PALM3: variants seen among roughly 807,000 people sequenced by gnomAD.
The protein encoded by PALM3 is paralemmin-3.
PALM3 carries 20 observed loss-of-function variants against 27.9 expected under a neutral mutation model. The ratio of observed to expected loss-of-function variants is 0.72; its 90% confidence interval spans 0.50 to 1.04. The LOEUF is 1.04. PALM3 is among the 50% of genes least tolerant of loss of function. PALM3 has a pLI of 0.00. For missense variants in PALM3, 814 were observed against 869.4 expected (o/e 0.94, Z 0.80); for synonymous variants, 328 against 352.7 (o/e 0.93, Z 0.79).
In PALM3 at chr19:14,054,341, TCTC is replaced by T. The variant is rs1440192310; in HGVS notation, c.1328_1330del (p.Gly443del). 1.3e-5 allele frequency: 20 copies of T among 1,552,062 alleles called. No individual in the cohort carries two copies. The East Asian group carries it at 2.4e-4, about 19-fold the overall frequency. On this transcript the variant is annotated inframe_deletion, in exon 7 of 7. Transcript: ENST00000669674. ...TCTGCTCTCCAGCTCCAACTTCTTC[TCTC>T]CTCCTTTCCTCTCTACCACTGGTGA... is the stretch of plus-strand genomic sequence containing the variant.
At chr19:14,056,577 C>T (rs751297720) in intron 4 of PALM3, 64 bp from the exon 5 acceptor site, 41 of 1,549,496 alleles carry the variant, frequency 2.6e-5, no homozygotes, top group Non-Finnish European at 3.1e-5. Context: ...TAGACTCAAG[C>T]GACCACCTCC....
rs998902486 is a variant in PALM3, at chr19:14,056,447, C to G, written c.381G>C (p.Arg127Ser). The G allele has an allele frequency of 6.4e-7, 1 of 1,551,532 alleles. No individual in the cohort carries two copies. The highest frequency in any genetic ancestry group is 8.7e-7 in the Non-Finnish European group (1 of 1,146,892). The change falls in exon 5 of 7, where the codon AGG becomes AGC. Residue 127 changes from arginine to serine, a missense_variant. Arg to Ser is a moderately radical substitution (Grantham distance 110). Coordinates refer to ENST00000669674, the MANE Select transcript of PALM3 (RefSeq NM_001145028.2). ...CCCTCACCTGTCTGCGCCAGCTGGG[C>G]CTGCCTGAGGGCTTGTGCTGGGCAC... The part of the protein sequence containing the change: ...STGAQHKPSG[R>S]PSWRRQGHRP...
chr19:14,057,322 C>T, intron 3 of PALM3, 29 bp downstream of exon 3: 1 of 1,515,810 alleles, frequency 6.6e-7, no homozygotes, highest in South Asian at 1.2e-5. Context: ...ATTCCCCAGG[C>T]TAGGCAGGCG....
rs1187807423 is a variant in PALM3 at position 14,055,440 on chromosome 19, G to C, written c.400-15C>G. 2 of 1,551,332 alleles carry C rather than the reference G, an allele frequency of 1.3e-6. No homozygotes were observed. Among genetic ancestry groups the C allele is most frequent in the Non-Finnish European group, 1.7e-6 (2 of 1,146,842 alleles). ...GGACGGTGACCCTGCAGAGATGGCG[G>C]AGACAAGGTCAGGCTGGCCCTCATC... On this transcript the variant is annotated splice_polypyrimidine_tract_variant and intron_variant, in intron 5 of 6. Coordinates refer to ENST00000669674, the MANE Select transcript of PALM3 (RefSeq NM_001145028.2).
chr19:14,061,333 C>T (rs942892554), intron 1 of PALM3, among the ~76,000 whole-genome samples: 1 of 152,172 alleles, frequency 6.6e-6, no homozygotes, highest in Admixed American at 6.5e-5. Flanking sequence ...TCTTTCCAAA[C>T]CTCTGAAGCC....
chr19:14,058,928 G>T (rs1019745609), intron 2 of PALM3, among the ~76,000 whole-genome samples, 187 bp downstream of exon 2: 2 of 151,972 alleles, frequency 1.3e-5, no homozygotes, highest in African/African-American at 4.8e-5. Context: ...GGGGGCCACA[G>T]CTCCCCATTC....
intron 2 of PALM3, among the ~76,000 whole-genome samples, chr19:14,058,702 G>A (rs1195856451): frequency 6.6e-6 from 1 of 151,936 alleles, no homozygotes; most frequent in African/African-American, 2.4e-5. Flanking sequence ...TAGGATCAGA[G>A]TGGTAGAGAC....
intron 2 of PALM3, among the ~76,000 whole-genome samples, chr19:14,058,660 G>A (rs997603940): frequency 4.6e-5 from 7 of 151,946 alleles, no homozygotes; most frequent in African/African-American, 1.7e-4. Flanking sequence ...GGGGTTCAGG[G>A]AGATGGAGGA....
Position 14,056,847 on chromosome 19 carries a change from C to T in PALM3, c.172-43G>A, listed in dbSNP as rs538396990. On this transcript the variant is annotated intron_variant, in intron 3 of 6. Transcript: ENST00000669674. ...GTTGGGGCTGGGCATACAGACTACC[C>T]CGGTCCATGTAAAGTCCCCTCCCGA... 625 of 1,500,682 alleles carry T rather than the reference C, an allele frequency of 4.2e-4. 2 individuals carry two copies. In the Middle Eastern group the frequency reaches 7.5e-3, roughly 18 times the overall value. The allele number at this position is 1,500,682 out of a possible 1,614,324, so 93.0% of individuals were successfully genotyped here.
intron 1 of PALM3, among the ~76,000 whole-genome samples, chr19:14,061,284 T>TG (rs1189177107): frequency 1.3e-5 from 2 of 152,152 alleles, no homozygotes; most frequent in Admixed American, 1.3e-4. Flanking sequence ...GGAACCGAAT[T>TG]GGGGTCCCTA....
In PALM3 at chr19:14,062,019, GACCCACC is replaced by G. The variant is rs1011763419; in HGVS notation, c.-46_-40del. ...TTCACTTTCTGGTCTCCGAGTTCTG[GACCCACC>G]ACCCGCTTGCCTGAAGGTGCCCCGG... is the stretch of plus-strand genomic sequence containing the variant. On this transcript the variant is annotated 5_prime_UTR_variant, in exon 1 of 7. Coordinates refer to ENST00000669674, the MANE Select transcript of PALM3 (RefSeq NM_001145028.2). 1.4e-4 allele frequency: 133 copies of G among 984,594 alleles called. No homozygotes were observed. Among genetic ancestry groups the G allele is most frequent in the Non-Finnish European group, 1.5e-4 (126 of 829,358 alleles). The allele number at this position is 984,594 out of a possible 1,614,324, so 61.0% of individuals were successfully genotyped here. A position where few individuals can be genotyped will look rare whatever the true frequency, so the allele number is the denominator to read the frequency against.
chr19:14,055,290 G>C, intron 6 of PALM3, 64 bp from the exon 7 acceptor site: 2 of 1,529,394 alleles, frequency 1.3e-6, no homozygotes, highest in Non-Finnish European at 1.8e-6. Context: ...TGGAACAAAA[G>C]GACTGCCATC....
chr19:14,056,724 G>T lies in PALM3; in HGVS notation c.252C>A (p.Asp84Glu). ...GAGCCTGGCCCTCGGGTGACTGGGG[G>T]TCCTTCGAGGTGGGGTCTTCGGATG... ...PEPSEDPTSK[D>E]PQSPEGQAQA... is the part of the protein sequence containing the mutation. Residue 84 changes from aspartate (D) to glutamate (E), a missense_variant, in exon 4 of 7, where the codon GAC becomes GAA. Asp to Glu is a conservative substitution (Grantham distance 45). Coordinates refer to ENST00000669674, the MANE Select transcript of PALM3 (RefSeq NM_001145028.2). The T allele has an allele frequency of 1.3e-6, 2 of 1,551,746 alleles. No individual in the cohort carries two copies. Among genetic ancestry groups the T allele is most frequent in the Non-Finnish European group, 1.7e-6 (2 of 1,146,984 alleles).
intron 2 of PALM3, chr19:14,057,671 G>T (rs1290482483): frequency 1.3e-4 from 20 of 158,418 alleles, no homozygotes; most frequent in Admixed American, 8.8e-4. Context: ...GGCCGGCCGC[G>T]CCCGGGATGC....
intron 1 of PALM3, among the ~76,000 whole-genome samples, chr19:14,059,487 C>A (rs1487631159): frequency 6.6e-6 from 1 of 152,112 alleles, no homozygotes; most frequent in East Asian, 1.9e-4. Context: ...AGGAGCTATT[C>A]ATGCAGGGAA....
rs1429177933 is a variant in PALM3, at chr19:14,054,735, C to A, written c.937G>T (p.Val313Phe). The change falls in exon 7 of 7, where the codon GTC (valine) becomes TTC (phenylalanine). Residue 313 changes from valine to phenylalanine, a missense_variant. By Grantham distance (50) the Val-to-Phe change is conservative. Transcript: ENST00000669674. The part of the protein sequence containing the change: ...AMGEIGRVPE[V>F]VQTSSPRLQE... ...AGCCTAGGCGAGCTAGTCTGCACGA[C>A]CTCAGGGACCCTGCCTATCTCCCCC... 6.4e-7 allele frequency: 1 copy of A among 1,551,732 alleles called. No individual in the cohort carries two copies. The highest frequency in any genetic ancestry group is 2.4e-5 in the East Asian group (1 of 40,938).
In PALM3 at chr19:14,057,306, C is replaced by T. The variant is rs373303146; in HGVS notation, c.171+45G>A. On this transcript the variant is annotated intron_variant, in intron 3 of 6. Transcript: ENST00000669674. ...CAAACCGACTTGCACAGACACCCCCCACTCCATTCCCCAGGCTAGGCAGGC... is the reference window on the plus strand; with the variant it reads ...CAAACCGACTTGCACAGACACCCCCTACTCCATTCCCCAGGCTAGGCAGGC... 2.7e-6 allele frequency: 4 copies of T among 1,455,982 alleles called. No homozygotes were observed. The African/African-American group carries it at 4.3e-5, about 16-fold the overall frequency. The allele number at this position is 1,455,982 out of a possible 1,614,324, so 90.2% of individuals were successfully genotyped here. A position where few individuals can be genotyped will look rare whatever the true frequency, so the allele number is the denominator to read the frequency against.
chr19:14,061,922 G>C lies in PALM3; in HGVS notation c.41+18C>G, dbSNP rs938605624. ...CAAGGCCCTGCCCACCAGCCCCCCTGACCCCCCAGACACTTACATGGGTGT... is the reference window on the plus strand; with the variant it reads ...CAAGGCCCTGCCCACCAGCCCCCCTCACCCCCCAGACACTTACATGGGTGT... On this transcript the variant is annotated intron_variant, in intron 1 of 6. Coordinates refer to ENST00000669674, the MANE Select transcript of PALM3 (RefSeq NM_001145028.2). The C allele has an allele frequency of 5.1e-6, 5 of 984,442 alleles. No individual in the cohort carries two copies. The highest frequency in any genetic ancestry group is 6.0e-6 in the Non-Finnish European group (5 of 829,314). The allele number at this position is 984,442 out of a possible 1,614,324, so 61.0% of individuals were successfully genotyped here.
intron 3 of PALM3, 112 bp from the exon 4 acceptor site, chr19:14,056,916 G>C: frequency 8.9e-7 from 1 of 1,120,582 alleles, no homozygotes; most frequent in Non-Finnish European, 1.2e-6. Context: ...CTCACAACCA[G>C]TTGCGACATA....
Sources: gnomAD v4.1 joint callset for allele counts (sites outside exome capture counted in the v4.1 genomes callset) on GRCh38, gnomAD v4.1.1 for gene constraint, MANE v1.5 for transcripts, NCBI Gene and HGNC (gene_info 2026-07-23, HGNC 2026-07-21) for gene names.